Variants in ADAMTSL3 observed in about 807,000 individuals in gnomAD.
ADAMTSL3 encodes the protein ADAMTS-like protein 3.
ADAMTSL3 carries 128 observed loss-of-function variants against 201.7 expected under a neutral mutation model. That is an observed-to-expected ratio of 0.63 (90% CI 0.55 to 0.73). ADAMTSL3 has a LOEUF of 0.73. Ranked by LOEUF, ADAMTSL3 falls within the 30% of genes least tolerant of loss-of-function variation. The probability of loss-of-function intolerance (pLI) is 0.00; values close to 1 mark genes in which losing one functional copy is unlikely to be tolerated. For synonymous variants in ADAMTSL3, 738 were observed against 748.4 expected, an observed-to-expected ratio of 0.99 and a Z score of 0.23; for missense variants, 1,990 against 2,119.6, an observed-to-expected ratio of 0.94 and a Z score of 1.20.
At chr15:83,715,479 T>G (rs961486089) in intron 3 of ADAMTSL3, among the ~76,000 whole-genome samples, 5 of 152,148 alleles carry the variant, frequency 3.3e-5, no homozygotes, top group Non-Finnish European at 7.3e-5. Flanking sequence ...TCTTCTCTCA[T>G]CCCCTTTGAG....
Position 83,988,672 on chromosome 15 carries a change from C to T in ADAMTSL3, c.3717-19C>T. 6.3e-7 allele frequency: 1 copy of T among 1,576,660 alleles called. No homozygotes were observed. The highest frequency in any genetic ancestry group is 8.6e-7 in the Non-Finnish European group (1 of 1,157,892). On this transcript the variant is annotated intron_variant, in intron 21 of 29. Transcript: ENST00000286744. ...TTAAATTGTTATATGAATGTGTCGT[C>T]TTTCTAACTGTTCTACAGAATAATT...
intron 19 of ADAMTSL3, among the ~76,000 whole-genome samples, chr15:83,945,524 A>G (rs1202200436): frequency 6.6e-6 from 1 of 152,152 alleles, no homozygotes; most frequent in African/African-American, 2.4e-5. Context: ...CAAAGGTGTT[A>G]GAGAGGTGGG....
At chr15:83,830,852 G>A (rs2064140354) in intron 6 of ADAMTSL3, among the ~76,000 whole-genome samples, 1 of 152,150 alleles carries the variant, frequency 6.6e-6, no homozygotes, top group African/African-American at 2.4e-5. Context: ...CAGACTGGGA[G>A]CAGCAGGTGG....
At chr15:83,755,259 A>G (rs2062701639) in intron 3 of ADAMTSL3, among the ~76,000 whole-genome samples, 1 of 152,130 alleles carries the variant, frequency 6.6e-6, no homozygotes, top group South Asian at 2.1e-4. Context: ...GGTAAAATAT[A>G]TATTGTTTAA....
intron 3 of ADAMTSL3, among the ~76,000 whole-genome samples, chr15:83,707,698 T>C (rs1184223842): frequency 3.9e-5 from 6 of 152,354 alleles, no homozygotes; most frequent in Middle Eastern, 3.4e-3. Context: ...TTTATATAAA[T>C]GGAATCATAC....
intron 26 of ADAMTSL3, among the ~76,000 whole-genome samples, chr15:84,024,181 G>A (rs938906778): frequency 6.6e-5 from 10 of 152,218 alleles, no homozygotes; most frequent in East Asian, 3.9e-4. Context: ...GCGTGAACCC[G>A]GGAGGCAATG....
intron 19 of ADAMTSL3, among the ~76,000 whole-genome samples, chr15:83,953,938 C>A (rs2066804586): frequency 6.6e-6 from 1 of 152,076 alleles, no homozygotes; most frequent in Admixed American, 6.6e-5. Flanking sequence ...TTATTTGTTT[C>A]TTTTCTCTTT....
chr15:83,692,685 CAA>C (rs766382952), intron 2 of ADAMTSL3, among the ~76,000 whole-genome samples: 10 of 43,318 alleles, frequency 2.3e-4, no homozygotes, highest in Admixed American at 9.9e-4. Context: ...GACTCCATCT[CAA>C]AAAAAAAAAA....
At chr15:83,980,168 A>G (rs2067360481) in intron 20 of ADAMTSL3, among the ~76,000 whole-genome samples, 1 of 152,146 alleles carries the variant, frequency 6.6e-6, no homozygotes, top group Non-Finnish European at 1.5e-5. Context: ...ATGGTCAGAA[A>G]AAAAAGAATT....
Position 83,656,635 on chromosome 15 carries a change from C to G in ADAMTSL3, c.69+805C>G, listed in dbSNP as rs180705809. On this transcript the variant is annotated intron_variant, in intron 2 of 29. Coordinates refer to ENST00000286744, the MANE Select transcript of ADAMTSL3 (RefSeq NM_207517.3). Reference sequence around the variant, plus strand: ...AGCCAAGCAGTTTGCAGCCCCAGATCTAAAGGCAGGGCACATCTTAGTATT... The same window carrying G: ...AGCCAAGCAGTTTGCAGCCCCAGATGTAAAGGCAGGGCACATCTTAGTATT... Among the ~76,000 whole-genome samples the G allele has an allele frequency of 3.3e-5, 5 of 152,322 alleles. No homozygotes were observed. In the East Asian group the frequency reaches 9.6e-4, roughly 29 times the overall value.
chr15:83,940,592 C>T (rs897904577), intron 17 of ADAMTSL3, among the ~76,000 whole-genome samples: 1 of 152,204 alleles, frequency 6.6e-6, no homozygotes, highest in Non-Finnish European at 1.5e-5. Flanking sequence ...TACCATCATG[C>T]TGGGGTTTAG....
chr15:83,913,120 A>C lies in ADAMTSL3; in HGVS notation c.1729A>C (p.Ser577Arg), dbSNP rs750289383. Residue 577 changes from serine (S) to arginine (R), a missense_variant, in exon 16 of 30, where the codon AGT becomes CGT. By Grantham distance (110) the Ser-to-Arg change is moderately radical (BLOSUM62 -1). Transcript: ENST00000286744. ...TFIPEPWSAC[S>R]TTCGPGVQVR... Reference sequence around the variant, plus strand: ...CATTCCAGAACCCTGGTCAGCCTGCAGTACCACGTGTGGGCCGGGTGTGCA... The same window carrying C: ...CATTCCAGAACCCTGGTCAGCCTGCCGTACCACGTGTGGGCCGGGTGTGCA... 6.2e-7 allele frequency: 1 copy of C among 1,613,986 alleles called. No individual in the cohort carries two copies. Among genetic ancestry groups the C allele is most frequent in the African/African-American group, 1.3e-5 (1 of 74,904 alleles).
chr15:83,719,061 C>T (rs1019000888), intron 3 of ADAMTSL3, among the ~76,000 whole-genome samples: 2 of 152,034 alleles, frequency 1.3e-5, no homozygotes, highest in East Asian at 1.9e-4. Context: ...CCAATAAAGT[C>T]GCAAAAAGGG....
intron 19 of ADAMTSL3, among the ~76,000 whole-genome samples, chr15:83,956,673 G>A (rs1264888232): frequency 6.8e-6 from 1 of 146,302 alleles, no homozygotes; most frequent in Non-Finnish European, 1.5e-5. Flanking sequence ...CACACACACC[G>A]CACAGGCACA....
chr15:83,891,208 T>A, intron 11 of ADAMTSL3, 121 bp from the exon 12 acceptor site: 1 of 813,608 alleles, frequency 1.2e-6, no homozygotes, highest in South Asian at 1.8e-5. Flanking sequence ...TAACACTTGA[T>A]ATTTTTAGTT....
At chr15:83,868,477 C>T (rs2065020804) in intron 8 of ADAMTSL3, among the ~76,000 whole-genome samples, 2 of 152,306 alleles carry the variant, frequency 1.3e-5, no homozygotes, top group South Asian at 4.1e-4. Context: ...CTCCACCTTG[C>T]TGTGGATTGG....
chr15:83,948,008 A>G (rs543620335), intron 19 of ADAMTSL3, among the ~76,000 whole-genome samples: 23 of 152,094 alleles, frequency 1.5e-4, no homozygotes, highest in Non-Finnish European at 2.8e-4. Context: ...TTCACCTCCT[A>G]TATTGTTATT....
chr15:83,675,427 A>G (rs1021764119), intron 2 of ADAMTSL3, among the ~76,000 whole-genome samples: 26 of 152,088 alleles, frequency 1.7e-4, no homozygotes, highest in African/African-American at 6.3e-4. Context: ...GATGTATTAC[A>G]TTGATTTTCA....
intron 3 of ADAMTSL3, among the ~76,000 whole-genome samples, chr15:83,764,537 C>T (rs1348541032): frequency 6.6e-6 from 1 of 152,058 alleles, no homozygotes; most frequent in African/African-American, 2.4e-5. Context: ...TGTTTACTTC[C>T]CCAGCTCTCT....
Sources: gnomAD v4.1 joint callset for allele counts (sites outside exome capture counted in the v4.1 genomes callset) on GRCh38, gnomAD v4.1.1 for gene constraint, MANE v1.5 for transcripts, NCBI Gene and HGNC (gene_info 2026-07-23, HGNC 2026-07-21) for gene names.